The following IKZF2 variants were observed in gnomAD, a reference collection of about 807,000 sequenced individuals.
IKZF2 encodes the protein zinc finger protein Helios.
In IKZF2, 15 loss-of-function variants were observed where a neutral mutation model predicts 49.2. That is an observed-to-expected ratio of 0.30 (90% CI 0.20 to 0.47). The LOEUF (loss-of-function observed/expected upper bound fraction) is 0.47. Among genes scored for constraint, IKZF2 ranks in the 20% least tolerant of loss-of-function variants. The pLI, the probability that IKZF2 is intolerant of heterozygous loss-of-function variation, is 1.00. For missense variants in IKZF2, 567 were observed against 664.6 expected (o/e 0.85, Z 1.61); for synonymous variants, 227 against 221.4 (o/e 1.03, Z -0.23).
intron 5 of IKZF2, 35 bp from the exon 6 acceptor site, chr2:213,049,915 AG>A (rs1290943842): frequency 6.8e-7 from 1 of 1,465,082 alleles, no homozygotes. Flanking sequence ...AGTATCAACT[AG>A]GGTATGTGCA....
At chr2:213,079,896 T>C (rs1559246557) in intron 4 of IKZF2, among the ~76,000 whole-genome samples, 1 of 152,172 alleles carries the variant, frequency 6.6e-6, no homozygotes, top group Non-Finnish European at 1.5e-5. Context: ...TTTGCTTTCC[T>C]ATCACCTGCC....
chr2:213,020,717 TC>T (rs1697117656), intron 7 of IKZF2, among the ~76,000 whole-genome samples: 1 of 152,080 alleles, frequency 6.6e-6, no homozygotes, highest in Admixed American at 6.6e-5. Flanking sequence ...TTAAAAAAAT[TC>T]CCAACTCAAC....
intron 4 of IKZF2, among the ~76,000 whole-genome samples, chr2:213,125,103 G>A (rs1435796964): frequency 6.6e-6 from 1 of 152,072 alleles, no homozygotes; most frequent in Non-Finnish European, 1.5e-5. Flanking sequence ...ACTTTGGAAG[G>A]GTTTCTTATG....
At chr2:213,132,538 G>T (rs1009861578) in intron 4 of IKZF2, among the ~76,000 whole-genome samples, 1 of 152,114 alleles carries the variant, frequency 6.6e-6, no homozygotes, top group Admixed American at 6.6e-5. Context: ...GTGGTTCTGA[G>T]AATTCCAGAT....
chr2:213,138,057 T>C (rs2060739064), intron 4 of IKZF2, among the ~76,000 whole-genome samples: 1 of 152,128 alleles, frequency 6.6e-6, no homozygotes, highest in African/African-American at 2.4e-5. Context: ...ACTGATTAAT[T>C]ATACACTCAT....
In IKZF2 at chr2:213,004,938, C is replaced by T. The variant is rs1464123949; in HGVS notation, c.*2422G>A. ...CACTGTCTTCATAAGGTTTAGGGTC[C>T]ACCTAAATTTAGTTTCATCCTGGGG... On this transcript the variant is annotated 3_prime_UTR_variant, in exon 9 of 9. Transcript: ENST00000434687. 6.6e-6 allele frequency: 1 copy of T among 152,070 alleles called. No homozygotes were observed. Among genetic ancestry groups the T allele is most frequent in the Non-Finnish European group, 1.5e-5 (1 of 67,882 alleles). 9.4% of individuals were successfully genotyped at this position (152,070 alleles called of 1,614,324 possible). A position where few individuals can be genotyped will look rare whatever the true frequency, so the allele number is the denominator to read the frequency against.
At chr2:213,046,410 AG>A (rs1700160983) in intron 6 of IKZF2, among the ~76,000 whole-genome samples, 1 of 152,186 alleles carries the variant, frequency 6.6e-6, no homozygotes. Flanking sequence ...GGGTATTCTC[AG>A]TGACTAGTTG....
intron 4 of IKZF2, among the ~76,000 whole-genome samples, chr2:213,131,983 T>C (rs577182637): frequency 2.6e-5 from 4 of 152,192 alleles, no homozygotes; most frequent in African/African-American, 4.8e-5. Context: ...TTAGCTTCTG[T>C]GGAAAAGATA....
intron 8 of IKZF2, 45 bp from the exon 9 acceptor site, chr2:213,008,129 TACAACA>T: frequency 7.5e-7 from 1 of 1,341,466 alleles, no homozygotes; most frequent in Non-Finnish European, 1.0e-6. Context: ...AAAAAAAAAA[TACAACA>T]ACATTAGTAT....
intron 4 of IKZF2, among the ~76,000 whole-genome samples, chr2:213,075,020 C>G (rs1252169896): frequency 1.3e-5 from 2 of 152,118 alleles, no homozygotes; most frequent in African/African-American, 2.4e-5. Context: ...TCTAAAGTGG[C>G]TTTCAAACTG....
At position 213,048,663 on chromosome 2, in the gene IKZF2, T is replaced by G. The variant is rs555249104; in HGVS notation, c.574+1050A>C. Among the ~76,000 whole-genome samples the G allele has an allele frequency of 3.9e-5, 6 of 152,206 alleles. No individual in the cohort carries two copies. The South Asian group carries it at 1.0e-3, about 26-fold the overall frequency. ...ATATACTTAAAATATTTTGTTTTCGTGTTTGCATTAATTTAATTTTTTTGT... is the reference window on the plus strand; with the variant it reads ...ATATACTTAAAATATTTTGTTTTCGGGTTTGCATTAATTTAATTTTTTTGT... On this transcript the variant is annotated intron_variant, in intron 6 of 8. Transcript: ENST00000434687.
intron 5 of IKZF2, among the ~76,000 whole-genome samples, chr2:213,055,406 T>G (rs141727952): frequency 2.7e-4 from 41 of 152,150 alleles, no homozygotes; most frequent in Admixed American, 4.6e-4. Flanking sequence ...AGAAAAAAGT[T>G]ACACTAGTAA....
chr2:213,042,620 TAA>T (rs1197182240), intron 6 of IKZF2, among the ~76,000 whole-genome samples: 1 of 152,114 alleles, frequency 6.6e-6, no homozygotes, highest in Non-Finnish European at 1.5e-5. Context: ...GATAAGCTGA[TAA>T]AAATATTTCT....
At chr2:213,055,536 T>C (rs896110190) in intron 5 of IKZF2, among the ~76,000 whole-genome samples, 3 of 152,078 alleles carry the variant, frequency 2.0e-5, no homozygotes, top group African/African-American at 7.2e-5. Flanking sequence ...ATTTTGATTA[T>C]GATAACACTG....
intron 6 of IKZF2, among the ~76,000 whole-genome samples, chr2:213,034,680 A>G (rs938539053): frequency 6.6e-5 from 10 of 152,192 alleles, no homozygotes; most frequent in African/African-American, 2.2e-4. Flanking sequence ...TATAATAATA[A>G]CAAGAAAGAT....
rs74315968 is a variant in IKZF2, at chr2:213,142,090, T to C, written c.139+5618A>G. Among the ~76,000 whole-genome samples the C allele has an allele frequency of 2.2e-4, 34 of 152,114 alleles. No individual in the cohort carries two copies. In the East Asian group the frequency reaches 6.2e-3, roughly 28 times the overall value. On this transcript the variant is annotated intron_variant, in intron 4 of 8. Transcript: ENST00000434687. ...TCTAAGAATTGATTCTCTGTAGGAATAGGTTACTCTATTAAGGGAATTTTT... is the reference window on the plus strand; with the variant it reads ...TCTAAGAATTGATTCTCTGTAGGAACAGGTTACTCTATTAAGGGAATTTTT...
chr2:213,070,260 T>C (rs1390865054), intron 4 of IKZF2, among the ~76,000 whole-genome samples: 1 of 152,168 alleles, frequency 6.6e-6, no homozygotes. Flanking sequence ...TATGCTTAGT[T>C]ATGGGAAAGA....
At chr2:213,116,999 C>T (rs1334923786) in intron 4 of IKZF2, among the ~76,000 whole-genome samples, 2 of 152,058 alleles carry the variant, frequency 1.3e-5, no homozygotes, top group African/African-American at 4.8e-5. Context: ...TGTTGTACCT[C>T]GTAATTTGTA....
intron 4 of IKZF2, among the ~76,000 whole-genome samples, chr2:213,091,916 ATG>A (rs996714233): frequency 4.6e-5 from 7 of 150,832 alleles, no homozygotes; most frequent in African/African-American, 1.5e-4. Context: ...GTGTGTGTGT[ATG>A]TGTGTGTGTA....
Sources: allele counts gnomAD v4.1 joint callset (sites outside exome capture counted in the v4.1 genomes callset), GRCh38; gene constraint gnomAD v4.1.1; transcripts MANE v1.5; gene names NCBI Gene and HGNC (gene_info 2026-07-23, HGNC 2026-07-21).